The following LOC122539214 variants were observed in gnomAD, a reference collection of about 807,000 sequenced individuals.
chr19:52,658,626 C>G, the LOC122539214 span, among the ~76,000 whole-genome samples: 1 of 152,088 alleles, frequency 6.6e-6, no homozygotes, highest in Non-Finnish European at 1.5e-5. Flanking sequence ...AGTCACAAAC[C>G]TTTTGGAAGG....
At chr19:52,652,528 C>T in the LOC122539214 span, 1 of 454,594 alleles carries the variant, frequency 2.2e-6, no homozygotes. Flanking sequence ...TGAAGCTTGA[C>T]TGAAGACCTT....
At chr19:52,685,248 C>G in the LOC122539214 span, among the ~76,000 whole-genome samples, 4 of 152,102 alleles carry the variant, frequency 2.6e-5, no homozygotes, top group Non-Finnish European at 4.4e-5. Context: ...GTTGCAGGGA[C>G]GCTCACTGGG....
At chr19:52,689,521 C>T in the LOC122539214 span, among the ~76,000 whole-genome samples, 3,011 of 152,220 alleles carry the variant, frequency 0.02, 29 homozygotes, top group Middle Eastern at 0.044. Context: ...TCTCCCTCAC[C>T]CTGATGAGCC....
the LOC122539214 span, among the ~76,000 whole-genome samples, chr19:52,687,605 ATATATAATG>A: frequency 0.31 from 17,173 of 55,076 alleles, 5,563 homozygotes; most frequent in African/African-American, 0.59. Flanking sequence ...TAATGTATAT[ATATATAATG>A]TGTATATATA....
At chr19:52,687,212 A>G in the LOC122539214 span, among the ~76,000 whole-genome samples, 2 of 147,368 alleles carry the variant, frequency 1.4e-5, no homozygotes, top group Non-Finnish European at 3.0e-5. Context: ...TATGTAGGCC[A>G]GGCGCAGTGC....
At chr19:52,673,322 T>G in the LOC122539214 span, among the ~76,000 whole-genome samples, 1 of 152,042 alleles carries the variant, frequency 6.6e-6, no homozygotes, top group Admixed American at 6.6e-5. Context: ...CTGACCAACA[T>G]GGTATAACCC....
the LOC122539214 span, among the ~76,000 whole-genome samples, chr19:52,665,899 A>G: frequency 6.6e-6 from 1 of 151,876 alleles, no homozygotes; most frequent in Non-Finnish European, 1.5e-5. Flanking sequence ...GGTGGCTCAC[A>G]CCTGTAATCC....
At chr19:52,655,229 C>T in the LOC122539214 span, 2 of 261,584 alleles carry the variant, frequency 7.6e-6, no homozygotes, top group East Asian at 8.7e-5. Flanking sequence ...GCTGGAAACA[C>T]TTGTCAGTCA....
the LOC122539214 span, among the ~76,000 whole-genome samples, chr19:52,661,319 G>A: frequency 6.6e-6 from 1 of 152,114 alleles, no homozygotes; most frequent in African/African-American, 2.4e-5. Flanking sequence ...GGGTAATTTT[G>A]ACCCATTTTC....
At chr19:52,675,943 C>A in the LOC122539214 span, among the ~76,000 whole-genome samples, 1 of 152,106 alleles carries the variant, frequency 6.6e-6, no homozygotes, top group African/African-American at 2.4e-5. Context: ...TGTAATCCCA[C>A]CACTTTGGGA....
the LOC122539214 span, among the ~76,000 whole-genome samples, chr19:52,678,800 C>T: frequency 1.1e-4 from 17 of 151,846 alleles, no homozygotes; most frequent in African/African-American, 4.1e-4. Flanking sequence ...ATAGTGAAAA[C>T]CTGTCTCTAC....
chr19:52,657,151 A>C, the LOC122539214 span, among the ~76,000 whole-genome samples: 1 of 151,810 alleles, frequency 6.6e-6, no homozygotes, highest in Non-Finnish European at 1.5e-5. Context: ...TCATTGAATT[A>C]AGAGACAACT....
the LOC122539214 span, among the ~76,000 whole-genome samples, chr19:52,657,665 T>C: frequency 1.1e-4 from 16 of 152,156 alleles, no homozygotes; most frequent in African/African-American, 3.4e-4. Flanking sequence ...CTGACCAACA[T>C]AGAGAAACCC....
At chr19:52,685,476 C>A in the LOC122539214 span, among the ~76,000 whole-genome samples, 5 of 152,010 alleles carry the variant, frequency 3.3e-5, no homozygotes, top group East Asian at 9.6e-4. Flanking sequence ...ACATTTAATT[C>A]TTCCTTAAAA....
chr19:52,670,817 C>T, the LOC122539214 span, among the ~76,000 whole-genome samples: 1 of 152,082 alleles, frequency 6.6e-6, no homozygotes, highest in East Asian at 1.9e-4. Context: ...TTCCAGGCTA[C>T]AGGTAAATTT....
At chr19:52,658,608 T>A in the LOC122539214 span, among the ~76,000 whole-genome samples, 1 of 152,124 alleles carries the variant, frequency 6.6e-6, no homozygotes, top group Admixed American at 6.6e-5. Context: ...GGGAAAGTTA[T>A]AGGGAATAGT....
chr19:52,667,575 A>G, the LOC122539214 span, among the ~76,000 whole-genome samples: 3 of 152,198 alleles, frequency 2.0e-5, no homozygotes, highest in Admixed American at 6.5e-5. Context: ...ACATTGAAAG[A>G]TTAAAAAAAT....
At chr19:52,689,909 T>G in the LOC122539214 span, among the ~76,000 whole-genome samples, 1 of 152,126 alleles carries the variant, frequency 6.6e-6, no homozygotes, top group Non-Finnish European at 1.5e-5. Flanking sequence ...CAACGCGGGC[T>G]CAGGAGAAGC....
the LOC122539214 span, among the ~76,000 whole-genome samples, chr19:52,664,575 T>C: frequency 6.6e-6 from 1 of 151,932 alleles, no homozygotes; most frequent in Non-Finnish European, 1.5e-5. Flanking sequence ...ACACGAACTT[T>C]TAAGTCCACG....
Sources: allele counts gnomAD v4.1 joint callset (sites outside exome capture counted in the v4.1 genomes callset), GRCh38; gene constraint gnomAD v4.1.1; transcripts MANE v1.5.